Variants in DOCK1 observed in about 807,000 individuals in gnomAD.
The protein encoded by DOCK1 is dedicator of cytokinesis protein 1.
DOCK1 carries 138 observed loss-of-function variants against 262.7 expected under a neutral mutation model. That is an observed-to-expected ratio of 0.53 (90% CI 0.46 to 0.61). The LOEUF is 0.61. DOCK1 is among the 20% of genes least tolerant of loss of function. The pLI is 0.00. For synonymous variants in DOCK1, 866 were observed against 867.4 expected (o/e 1.00, Z 0.03); for missense variants, 1,908 against 2,370.7 (o/e 0.80, Z 4.05).
At chr10:127,410,215 G>A (rs776920711) in intron 42 of DOCK1, among the ~76,000 whole-genome samples, 4 of 152,136 alleles carry the variant, frequency 2.6e-5, no homozygotes, top group Admixed American at 2.0e-4. Context: ...GATTGCTCTC[G>A]CAAGGCATAC....
chr10:127,034,776 A>T (rs535818740), intron 18 of DOCK1, among the ~76,000 whole-genome samples: 42 of 152,172 alleles, frequency 2.8e-4, no homozygotes, highest in Non-Finnish European at 5.1e-4. Context: ...TAACTTGCTC[A>T]TCTTTCCCCA....
intron 1 of DOCK1, among the ~76,000 whole-genome samples, chr10:126,919,637 A>G (rs2032968667): frequency 6.6e-6 from 1 of 152,194 alleles, no homozygotes. Context: ...TGTGGCCGTC[A>G]GCCCGTTGCT....
At chr10:127,034,545 A>G (rs1048593821) in intron 18 of DOCK1, among the ~76,000 whole-genome samples, 1 of 152,076 alleles carries the variant, frequency 6.6e-6, no homozygotes, top group Non-Finnish European at 1.5e-5. Context: ...TATGGAAAGG[A>G]TGCTCCCCTG....
At chr10:127,112,761 C>G (rs1212062574) in intron 25 of DOCK1, among the ~76,000 whole-genome samples, 3 of 152,180 alleles carry the variant, frequency 2.0e-5, no homozygotes, top group Non-Finnish European at 4.4e-5. Flanking sequence ...CCCAGAATTG[C>G]CCCATCAGTA....
intron 27 of DOCK1, among the ~76,000 whole-genome samples, chr10:127,194,793 G>T (rs537481153): frequency 2.6e-5 from 4 of 152,218 alleles, no homozygotes; most frequent in Admixed American, 2.0e-4. Flanking sequence ...TGATCGTTTG[G>T]CTTCCCAGCC....
chr10:127,175,431 G>A lies in DOCK1; in HGVS notation c.2847+47667G>A, dbSNP rs771416390. On this transcript the variant is annotated intron_variant, in intron 27 of 51. Coordinates refer to ENST00000623213, the MANE Select transcript of DOCK1 (RefSeq NM_001290223.2). The surrounding 1 kb of genome is among the most constrained non-coding windows in gnomAD (Gnocchi z 6.3). ...CCCCGGCGGGGTGTGAGTCTGCGAC[G>A]GCTGCTCACTACATTCGGGGGACAG... The A allele has an allele frequency of 1.2e-5, 19 of 1,612,694 alleles. No homozygotes were observed. The African/African-American group carries it at 1.7e-4, about 15-fold the overall frequency.
At chr10:127,056,782 C>T (rs752697116) in intron 22 of DOCK1, among the ~76,000 whole-genome samples, 6 of 152,134 alleles carry the variant, frequency 3.9e-5, no homozygotes, top group East Asian at 1.9e-4. Flanking sequence ...AAGGACATAA[C>T]GTTCTTTGAG....
chr10:127,442,395 G>A (rs1475371010), intron 49 of DOCK1, among the ~76,000 whole-genome samples: 1 of 152,100 alleles, frequency 6.6e-6, no homozygotes, highest in African/African-American at 2.4e-5. Flanking sequence ...GCCCTTCCTT[G>A]GGGGAGAACG....
intron 5 of DOCK1, among the ~76,000 whole-genome samples, chr10:126,990,160 A>G (rs2134995955): frequency 6.6e-6 from 1 of 152,326 alleles, no homozygotes; most frequent in African/African-American, 2.4e-5. Context: ...TTGACGCTCA[A>G]GGTCTAGCCC....
At chr10:127,382,407 G>A (rs1328458903) in intron 37 of DOCK1, among the ~76,000 whole-genome samples, 4 of 152,132 alleles carry the variant, frequency 2.6e-5, no homozygotes, top group Non-Finnish European at 5.9e-5. Context: ...AGAGACCTGC[G>A]AGTATGGAAA....
intron 29 of DOCK1, among the ~76,000 whole-genome samples, chr10:127,314,120 C>T (rs925878109): frequency 9.9e-5 from 15 of 152,176 alleles, no homozygotes; most frequent in African/African-American, 2.9e-4. Context: ...AGTTGATGAG[C>T]CTGCTCATGG....
At chr10:127,233,097 C>T (rs1284919207) in intron 27 of DOCK1, among the ~76,000 whole-genome samples, 1 of 152,028 alleles carries the variant, frequency 6.6e-6, no homozygotes, top group African/African-American at 2.4e-5. Flanking sequence ...CTGAAATGTC[C>T]CTGATTGTCA....
intron 38 of DOCK1, among the ~76,000 whole-genome samples, chr10:127,398,912 G>T (rs1013807710): frequency 6.6e-6 from 1 of 152,182 alleles, no homozygotes; most frequent in African/African-American, 2.4e-5. Context: ...ATCAATTCCT[G>T]CTGTGTTCTC....
chr10:127,364,555 G>A (rs1346020040), intron 33 of DOCK1, among the ~76,000 whole-genome samples: 3 of 152,032 alleles, frequency 2.0e-5, no homozygotes, highest in Admixed American at 6.6e-5. Context: ...TAGTAGAGAC[G>A]GTGTTTCACC....
At chr10:127,017,320 GACAT>G (rs1157606721) in intron 12 of DOCK1, among the ~76,000 whole-genome samples, 1 of 132,614 alleles carries the variant, frequency 7.5e-6, no homozygotes, top group Non-Finnish European at 1.6e-5. Flanking sequence ...CACGCACACA[GACAT>G]ATATATATAC....
intron 29 of DOCK1, among the ~76,000 whole-genome samples, chr10:127,297,541 CAAGG>C (rs1191801341): frequency 6.6e-6 from 1 of 152,088 alleles, no homozygotes; most frequent in African/African-American, 2.4e-5. Flanking sequence ...CCAGTGACAC[CAAGG>C]AAGGGTGCGT....
At chr10:127,032,362 C>A in intron 18 of DOCK1, 42 bp downstream of exon 18, 1 of 1,461,716 alleles carries the variant, frequency 6.8e-7, no homozygotes, top group Non-Finnish European at 9.0e-7. Flanking sequence ...AGGAGCTCTG[C>A]CCCAGTCCTG....
Position 126,929,761 on chromosome 10 carries a change from C to A in DOCK1, c.46+24198C>A, listed in dbSNP as rs2034043789. ...GCAGGCGGGAGGGCACTTCAGGGCA[C>A]AGTTGTTTAAGTTCATGAATCAGTT... On this transcript the variant is annotated intron_variant, in intron 1 of 51. Transcript: ENST00000623213. Among the ~76,000 whole-genome samples, 3 of 151,970 alleles carry A rather than the reference C, an allele frequency of 2.0e-5. No individual in the cohort carries two copies. The South Asian group carries it at 6.2e-4, about 32-fold the overall frequency.
intron 28 of DOCK1, among the ~76,000 whole-genome samples, chr10:127,253,862 G>T (rs973440934): frequency 1.3e-4 from 14 of 107,280 alleles, no homozygotes; most frequent in African/African-American, 4.4e-4. Context: ...GTGATAGCAT[G>T]AGACCCTGTC....
Sources: gnomAD v4.1 joint callset for allele counts (sites outside exome capture counted in the v4.1 genomes callset) on GRCh38, gnomAD v4.1.1 for gene constraint, Gnocchi (gnomAD v3.1) non-coding constraint, MANE v1.5 for transcripts, NCBI Gene and HGNC (gene_info 2026-07-23, HGNC 2026-07-21) for gene names.